PRDM16: variants seen among roughly 807,000 people sequenced by gnomAD.
The protein encoded by PRDM16 is PR/SET domain 16, also known as histone-lysine N-methyltransferase PRDM16.
A neutral mutation model predicts 110.6 loss-of-function variants in PRDM16; 23 were observed. The observed-to-expected ratio is 0.21, with a 90% CI of 0.15 to 0.29. The LOEUF is 0.29. PRDM16 is among the 10% of genes least tolerant of loss of function. The pLI, the probability that PRDM16 is intolerant of heterozygous loss-of-function variation, is 1.00. For synonymous variants in PRDM16, 799 were observed against 781.8 expected (o/e 1.02, Z -0.37); for missense variants, 1,615 against 1,794.3 (o/e 0.90, Z 1.81).
chr1:3,354,823 C>A (rs999483672), intron 3 of PRDM16, among the ~76,000 whole-genome samples: 1 of 152,114 alleles, frequency 6.6e-6, no homozygotes, highest in Non-Finnish European at 1.5e-5. Context: ...GGGGACATTT[C>A]GATGGATGGC....
intron 2 of PRDM16, among the ~76,000 whole-genome samples, chr1:3,198,733 G>A (rs558229649): frequency 1.9e-4 from 29 of 152,312 alleles, no homozygotes; most frequent in Admixed American, 1.6e-3. Flanking sequence ...ATTACCAGCC[G>A]CACGCAGGCT....
chr1:3,284,888 C>T (rs1484532084), intron 3 of PRDM16, among the ~76,000 whole-genome samples: 1 of 152,238 alleles, frequency 6.6e-6, no homozygotes, highest in African/African-American at 2.4e-5. Flanking sequence ...GCCGCCAGGG[C>T]AGCTTCCGAG....
At chr1:3,401,677 C>G (rs1311566481) in intron 5 of PRDM16, among the ~76,000 whole-genome samples, 1 of 152,226 alleles carries the variant, frequency 6.6e-6, no homozygotes. Flanking sequence ...TATGCACACA[C>G]AACATAGCCA....
chr1:3,329,154 C>G (rs1641988505), intron 3 of PRDM16, among the ~76,000 whole-genome samples: 1 of 152,258 alleles, frequency 6.6e-6, no homozygotes, highest in Admixed American at 6.5e-5. Flanking sequence ...CAACCACATC[C>G]TGTCCCAGCA....
intron 3 of PRDM16, among the ~76,000 whole-genome samples, chr1:3,281,383 A>AG (rs1640708585): frequency 6.6e-6 from 1 of 152,242 alleles, no homozygotes; most frequent in South Asian, 2.1e-4. Context: ...AGAAATAAGT[A>AG]GGTGTCCACT....
chr1:3,246,993 T>C lies in PRDM16; in HGVS notation c.438+2856T>C, dbSNP rs1346387258. Among the ~76,000 whole-genome samples the C allele has an allele frequency of 6.6e-6, 1 of 152,160 alleles. No homozygotes were observed. On this transcript the variant is annotated intron_variant, in intron 3 of 16. Transcript: ENST00000270722. The surrounding 1 kb of genome is among the most constrained non-coding windows in gnomAD (Gnocchi z 5.2). ...GTTGGTATAGGTGCGATGTGTGGAT[T>C]GCTGCCGTAACTGTGCGCACCGCGG...
At chr1:3,342,139 G>A (rs1016060920) in intron 3 of PRDM16, among the ~76,000 whole-genome samples, 7 of 152,140 alleles carry the variant, frequency 4.6e-5, no homozygotes, top group Non-Finnish European at 1.0e-4. Context: ...TCGTGCCGGC[G>A]TGGCTCACCT....
chr1:3,185,212 C>A (rs138452307), intron 1 of PRDM16, among the ~76,000 whole-genome samples: 1 of 152,070 alleles, frequency 6.6e-6, no homozygotes, highest in South Asian at 2.1e-4. Flanking sequence ...GGTATAGTTT[C>A]GGCTGCACAC....
At chr1:3,338,194 G>A (rs1642200858) in intron 3 of PRDM16, among the ~76,000 whole-genome samples, 1 of 152,262 alleles carries the variant, frequency 6.6e-6, no homozygotes, top group African/African-American at 2.4e-5. Flanking sequence ...TTGGGAAGTT[G>A]CAAGGACCCT....
intron 2 of PRDM16, among the ~76,000 whole-genome samples, chr1:3,199,821 C>G (rs566439145): frequency 5.3e-5 from 8 of 152,204 alleles, no homozygotes; most frequent in Non-Finnish European, 8.8e-5. Flanking sequence ...GAGCACCATG[C>G]TGTCTTCCCG....
chr1:3,321,921 G>A, intron 3 of PRDM16, among the ~76,000 whole-genome samples: 1 of 151,544 alleles, frequency 6.6e-6, no homozygotes, highest in Admixed American at 6.6e-5. Context: ...TGTGTAAAGG[G>A]CACACATATG....
chr1:3,369,038 TC>T (rs1642865629), intron 3 of PRDM16, among the ~76,000 whole-genome samples: 1 of 152,228 alleles, frequency 6.6e-6, no homozygotes. Context: ...TGATTCTATT[TC>T]CTGGGCTTAA....
intron 15 of PRDM16, 63 bp downstream of exon 15, chr1:3,431,171 G>C: frequency 1.3e-6 from 2 of 1,521,776 alleles, no homozygotes; most frequent in Non-Finnish European, 1.8e-6. Flanking sequence ...ATCACGAGGG[G>C]GACCTCCCTC....
chr1:3,385,305 CAG>C lies in PRDM16; in HGVS notation c.573+20_573+21del. The stretch of plus-strand genomic sequence containing the variant: ...TGAGCAGGTAGGTCCGGGCTCATAA[CAG>C]GGGCTTCTGCCTCTTGGAATTGTCC... On this transcript the variant is annotated intron_variant, in intron 4 of 16. Transcript: ENST00000270722. The C allele has an allele frequency of 1.2e-6, 2 of 1,612,702 alleles. No homozygotes were observed. Among genetic ancestry groups the C allele is most frequent in the Non-Finnish European group, 1.7e-6 (2 of 1,179,288 alleles).
rs1013406243 is a variant in PRDM16, at chr1:3,352,902, C to A, written c.439-32250C>A. ...AGTCAGGCCGCATTTGGTGTTCACA[C>A]AAGTCCCACGTCGGGGAGGGGGCCG... On this transcript the variant is annotated intron_variant, in intron 3 of 16. Transcript: ENST00000270722. 5.9e-5 allele frequency among the ~76,000 whole-genome samples: 9 copies of A among 152,192 alleles called. No homozygotes were observed. The East Asian group carries it at 1.3e-3, about 23-fold the overall frequency.
At chr1:3,184,374 G>A (rs1178606976) in intron 1 of PRDM16, among the ~76,000 whole-genome samples, 3 of 151,662 alleles carry the variant, frequency 2.0e-5, no homozygotes, top group Non-Finnish European at 1.5e-5. Flanking sequence ...TTCTGTTTCC[G>A]CAGCCAACGA....
At chr1:3,338,263 G>A (rs367607958) in intron 3 of PRDM16, among the ~76,000 whole-genome samples, 14 of 152,244 alleles carry the variant, frequency 9.2e-5, no homozygotes, top group Middle Eastern at 3.2e-3. Context: ...CAGGGCTTCC[G>A]TGGTCCTGCC....
At chr1:3,340,219 C>T (rs985225072) in intron 3 of PRDM16, among the ~76,000 whole-genome samples, 4 of 152,026 alleles carry the variant, frequency 2.6e-5, no homozygotes, top group Non-Finnish European at 5.9e-5. Flanking sequence ...TTACCTGGGC[C>T]CTTTGCACAC....
At chr1:3,230,996 C>T (rs992324825) in intron 2 of PRDM16, among the ~76,000 whole-genome samples, 2 of 152,172 alleles carry the variant, frequency 1.3e-5, no homozygotes, top group African/African-American at 4.8e-5. Flanking sequence ...CGCCTCTCTG[C>T]TGGCAGCTGG....
Sources: allele counts gnomAD v4.1 joint callset (sites outside exome capture counted in the v4.1 genomes callset), GRCh38; gene constraint gnomAD v4.1.1; non-coding constraint Gnocchi (gnomAD v3.1); transcripts MANE v1.5; gene names NCBI Gene and HGNC (gene_info 2026-07-23, HGNC 2026-07-21).